The following CR1L variants were observed in gnomAD, a reference collection of about 807,000 sequenced individuals.
CR1L encodes complement C3b/C4b receptor 1 like.
A neutral mutation model predicts 62.3 loss-of-function variants in CR1L; 59 were observed. The observed-to-expected ratio is 0.95, with a 90% CI of 0.77 to 1.18. The LOEUF (loss-of-function observed/expected upper bound fraction) is 1.18. CR1L is among the 50% of genes most tolerant of loss of function. CR1L has a pLI of 0.00. For synonymous variants in CR1L, 279 were observed against 248.7 expected (o/e 1.12, Z -1.15); for missense variants, 700 against 702.8 (o/e 1.00, Z 0.04).
At chr1:207,674,829 C>T (rs141929808) in intron 1 of CR1L, among the ~76,000 whole-genome samples, 22 of 151,620 alleles carry the variant, frequency 1.5e-4, no homozygotes, top group African/African-American at 5.3e-4. Flanking sequence ...AAGGTGAATG[C>T]ATAACACTGA....
chr1:207,651,538 T>C (rs145785900), intron 1 of CR1L, among the ~76,000 whole-genome samples: 1 of 152,310 alleles, frequency 6.6e-6, no homozygotes, highest in Non-Finnish European at 1.5e-5. Flanking sequence ...CCTTCCACTA[T>C]AGAAGAGGCC....
At chr1:207,687,681 TTTA>T (rs1367890295) in intron 4 of CR1L, among the ~76,000 whole-genome samples, 1 of 152,226 alleles carries the variant, frequency 6.6e-6, no homozygotes, top group East Asian at 1.9e-4. Context: ...GGTCAGTTTT[TTTA>T]TTATTATATT....
chr1:207,701,688 A>C, intron 9 of CR1L, 70 bp downstream of exon 9: 21 of 1,597,490 alleles, frequency 1.3e-5, no homozygotes, highest in Non-Finnish European at 1.8e-5. Flanking sequence ...GCCACATCTC[A>C]GGAAGGAAAC....
rs1321251313 is a variant in CR1L, at chr1:207,699,199, A to C, written c.1153A>C (p.Lys385Gln). ...DFVCDEGFQL[K>Q]GSSASYCVLA... ...TATTTTCTTCTTTAGATTTCAATTA[A>C]AAGGCAGCTCTGCTAGTTACTGTGT... Residue 385 changes from lysine to glutamine, a missense_variant, in exon 8 of 12, where the codon AAA (lysine) becomes CAA (glutamine). Coordinates refer to ENST00000508064, the MANE Select transcript of CR1L (RefSeq NM_175710.2). The C allele has an allele frequency of 6.2e-7, 1 of 1,613,708 alleles. No individual in the cohort carries two copies. Among genetic ancestry groups the C allele is most frequent in the South Asian group, 1.1e-5 (1 of 91,076 alleles).
intron 1 of CR1L, chr1:207,655,127 C>A: frequency 2.5e-6 from 1 of 400,640 alleles, no homozygotes; most frequent in Non-Finnish European, 4.8e-6. Context: ...TAAAAAGTTC[C>A]TTCATTATTA....
At chr1:207,714,031 G>A (rs1051682578) in intron 10 of CR1L, among the ~76,000 whole-genome samples, 9 of 152,196 alleles carry the variant, frequency 5.9e-5, no homozygotes, top group Non-Finnish European at 1.0e-4. Context: ...CTTCATACCT[G>A]CGTTTGGTGG....
At chr1:207,678,367 T>C in intron 3 of CR1L, 70 bp downstream of exon 3, 3 of 1,348,692 alleles carry the variant, frequency 2.2e-6, no homozygotes, top group Non-Finnish European at 3.2e-6. Flanking sequence ...TACCTTCTAG[T>C]CACATCTCAG....
At chr1:207,679,259 C>T (rs1288914461) in intron 3 of CR1L, among the ~76,000 whole-genome samples, 2 of 150,602 alleles carry the variant, frequency 1.3e-5, no homozygotes, top group Non-Finnish European at 2.9e-5. Flanking sequence ...CACCTCCCGG[C>T]CTCCCAAAGT....
intron 10 of CR1L, among the ~76,000 whole-genome samples, chr1:207,712,537 G>A (rs1054996915): frequency 3.3e-5 from 5 of 152,174 alleles, no homozygotes; most frequent in Non-Finnish European, 5.9e-5. Flanking sequence ...TGTGTCAGCC[G>A]CCTCCAGAAA....
intron 1 of CR1L, among the ~76,000 whole-genome samples, chr1:207,650,647 C>A (rs1663208049): frequency 6.6e-6 from 1 of 152,138 alleles, no homozygotes; most frequent in Admixed American, 6.6e-5. Context: ...GGTTTCATTG[C>A]CATTTCACTT....
In CR1L at chr1:207,678,278, A is replaced by G. The variant is rs1663733479; in HGVS notation, c.358A>G (p.Lys120Glu). Residue 120 changes from lysine to glutamate, a missense_variant, in exon 3 of 12, where the codon AAA (lysine) becomes GAA (glutamate). Physicochemically the swap from Lys to Glu is moderately conservative, Grantham distance 56 (BLOSUM62 1). Coordinates refer to ENST00000508064, the MANE Select transcript of CR1L (RefSeq NM_175710.2). Reference protein sequence around the residue: ...IKDIQFRSQIKYSCPKGYRLI... With the variant: ...IKDIQFRSQIEYSCPKGYRLI... ...AGACATCCAGTTCAGATCCCAAATT[A>G]AATATTCTTGTCCTAAAGGGTGAGT... 1 of 1,613,284 alleles carries G rather than the reference A, an allele frequency of 6.2e-7. No individual in the cohort carries two copies. The highest frequency in any genetic ancestry group is 1.3e-5 in the African/African-American group (1 of 74,916).
At chr1:207,661,648 T>C (rs1378364431) in intron 1 of CR1L, among the ~76,000 whole-genome samples, 1 of 152,196 alleles carries the variant, frequency 6.6e-6, no homozygotes, top group Non-Finnish European at 1.5e-5. Context: ...CATTTACATT[T>C]AAGGTTAATA....
intron 1 of CR1L, among the ~76,000 whole-genome samples, chr1:207,665,878 A>G (rs1386103008): frequency 6.6e-6 from 1 of 152,206 alleles, no homozygotes; most frequent in Non-Finnish European, 1.5e-5. Flanking sequence ...AGACAGTCAG[A>G]TGAAGTAAGG....
intron 4 of CR1L, among the ~76,000 whole-genome samples, chr1:207,690,705 G>C (rs574101538): frequency 6.6e-6 from 1 of 152,240 alleles, no homozygotes; most frequent in Non-Finnish European, 1.5e-5. Context: ...CAGAAATCCA[G>C]TTAAGATGTC....
At chr1:207,716,577 A>G (rs1166731225) in intron 10 of CR1L, among the ~76,000 whole-genome samples, 1 of 152,212 alleles carries the variant, frequency 6.6e-6, no homozygotes, top group East Asian at 1.9e-4. Flanking sequence ...ATCAATTTGG[A>G]TATTTTATGG....
intron 11 of CR1L, among the ~76,000 whole-genome samples, chr1:207,718,442 G>C (rs1165548148): frequency 1.3e-5 from 2 of 152,220 alleles, no homozygotes; most frequent in African/African-American, 4.8e-5. Flanking sequence ...GTTCTTTTGA[G>C]ATGGAGTCTT....
chr1:207,674,533 C>T (rs986402683), intron 1 of CR1L, among the ~76,000 whole-genome samples: 2 of 152,100 alleles, frequency 1.3e-5, no homozygotes, highest in African/African-American at 4.8e-5. Context: ...GGCTACTACG[C>T]AAATTTATAT....
Position 207,686,132 on chromosome 1 carries a change from C to T in CR1L, c.463+2175C>T, listed in dbSNP as rs1207958531. On this transcript the variant is annotated intron_variant, in intron 4 of 11. Coordinates refer to ENST00000508064, the MANE Select transcript of CR1L (RefSeq NM_175710.2). ...CCTCCCTCCCTCCCTCCCTTCCTCC[C>T]TCCCTTCCTTCCTTCCTTCCTTCCT... Among the ~76,000 whole-genome samples, 28 of 59,576 alleles carry T rather than the reference C, an allele frequency of 4.7e-4. 1 individual carries two copies. Among genetic ancestry groups the T allele is most frequent in the Non-Finnish European group, 2.3e-4 (7 of 29,872 alleles). 39.1% of individuals were successfully genotyped at this position (59,576 alleles called of 152,430 possible). A position where few individuals can be genotyped will look rare whatever the true frequency, so the allele number is the denominator to read the frequency against.
At chr1:207,654,075 C>T (rs566119525) in intron 1 of CR1L, among the ~76,000 whole-genome samples, 35 of 152,266 alleles carry the variant, frequency 2.3e-4, no homozygotes, top group African/African-American at 8.4e-4. Flanking sequence ...TAATGAAGAC[C>T]CTCTAGAAAG....
Sources: gnomAD v4.1 joint callset for allele counts (sites outside exome capture counted in the v4.1 genomes callset) on GRCh38, gnomAD v4.1.1 for gene constraint, MANE v1.5 for transcripts, NCBI Gene and HGNC (gene_info 2026-07-23, HGNC 2026-07-21) for gene names.